DGKB: variants seen among roughly 807,000 people sequenced by gnomAD.
DGKB encodes 90 kDa diacylglycerol kinase.
A neutral mutation model predicts 114.3 loss-of-function variants in DGKB; 67 were observed. The ratio of observed to expected loss-of-function variants is 0.59; its 90% CI spans 0.48 to 0.72. The LOEUF is 0.72. Among genes scored for constraint, DGKB ranks in the 30% least tolerant of loss-of-function variants. The pLI is 0.00. For synonymous variants in DGKB, 398 were observed against 323.1 expected, an observed-to-expected ratio of 1.23 and a Z score of -2.49; for missense variants, 907 against 975.2, an observed-to-expected ratio of 0.93 and a Z score of 0.93.
At chr7:14,973,878 T>C (rs1451902428) in intron 1 of DGKB, among the ~76,000 whole-genome samples, 1 of 148,188 alleles carries the variant, frequency 6.7e-6, no homozygotes, top group Non-Finnish European at 1.5e-5. Context: ...AAATTTAAGA[T>C]ACTTAAATTT....
chr7:14,720,291 T>A (rs1475305299), intron 5 of DGKB, among the ~76,000 whole-genome samples: 1 of 152,012 alleles, frequency 6.6e-6, no homozygotes, highest in Non-Finnish European at 1.5e-5. Context: ...CTTTCCATCC[T>A]TTTTTATTTT....
chr7:14,313,459 G>A (rs796978739), intron 23 of DGKB, among the ~76,000 whole-genome samples: 34 of 152,280 alleles, frequency 2.2e-4, no homozygotes, highest in African/African-American at 5.8e-4. Context: ...TGCCTCACTC[G>A]GGAAGCGCAA....
chr7:14,390,200 T>A (rs534801276), intron 21 of DGKB, among the ~76,000 whole-genome samples: 1 of 152,278 alleles, frequency 6.6e-6, no homozygotes, highest in African/African-American at 2.4e-5. Flanking sequence ...TACTAGTCCT[T>A]CTTGAATGTT....
chr7:14,860,310 ATTCT>A (rs1174660864), intron 1 of DGKB, among the ~76,000 whole-genome samples: 6 of 152,092 alleles, frequency 3.9e-5, no homozygotes, highest in Non-Finnish European at 8.8e-5. Flanking sequence ...AATTTATTTC[ATTCT>A]TTCTAATTCA....
intron 20 of DGKB, among the ~76,000 whole-genome samples, chr7:14,556,194 A>G (rs147121530): frequency 6.6e-6 from 1 of 152,284 alleles, no homozygotes; most frequent in East Asian, 1.9e-4. Context: ...TTCCTCATAT[A>G]TGCTGAGTGG....
At chr7:14,153,966 C>A (rs1259919330) in intron 25 of DGKB, among the ~76,000 whole-genome samples, 1 of 151,850 alleles carries the variant, frequency 6.6e-6, no homozygotes, top group African/African-American at 2.4e-5. Flanking sequence ...AGAGAATTTG[C>A]CTCTTATGTA....
chr7:14,535,659 C>G (rs780006452), intron 20 of DGKB, among the ~76,000 whole-genome samples: 1 of 152,162 alleles, frequency 6.6e-6, no homozygotes, highest in Non-Finnish European at 1.5e-5. Flanking sequence ...GTGATCTCAG[C>G]TTACTGCAAC....
At position 14,787,543 on chromosome 7, in the gene DGKB, A is replaced by C. The variant is rs371115111; in HGVS notation, c.71-29812T>G. On this transcript the variant is annotated intron_variant, in intron 2 of 25. Transcript: ENST00000402815. ...TCACCACTGACAGAGGCCAAGAAGA[A>C]AGGGTGATAGACGTAGAGATGCATA... Among the ~76,000 whole-genome samples the C allele has an allele frequency of 1.1e-4, 16 of 152,332 alleles. 1 individual carries two copies. In the East Asian group the frequency reaches 2.3e-3, roughly 22 times the overall value.
intron 2 of DGKB, among the ~76,000 whole-genome samples, chr7:14,769,619 A>C (rs1468598600): frequency 2.0e-5 from 3 of 152,088 alleles, no homozygotes; most frequent in Non-Finnish European, 4.4e-5. Flanking sequence ...ATAAAAAGTT[A>C]CCACAAACCT....
intron 21 of DGKB, among the ~76,000 whole-genome samples, chr7:14,446,475 T>C (rs1584001208): frequency 6.6e-6 from 1 of 152,082 alleles, no homozygotes; most frequent in Non-Finnish European, 1.5e-5. Flanking sequence ...TTTCATATAT[T>C]ACTTAGGCAC....
chr7:14,493,657 T>C (rs768338931), intron 20 of DGKB, among the ~76,000 whole-genome samples: 2 of 151,986 alleles, frequency 1.3e-5, no homozygotes, highest in African/African-American at 4.8e-5. Context: ...ATTCAAGACC[T>C]GGGTGGGGAG....
rs148958289 is a variant in DGKB at position 14,517,209 on chromosome 7, G to C, written c.1771-38984C>G. ...CTGACAAAAACAAGCGATAGGGAAA[G>C]AATTCCCCATTCAATAAATGGTGCT... On this transcript the variant is annotated intron_variant, in intron 20 of 25. Coordinates refer to ENST00000402815, the MANE Select transcript of DGKB (RefSeq NM_001350709.2). Among the ~76,000 whole-genome samples, 1,267 of 152,200 alleles carry C rather than the reference G, an allele frequency of 8.3e-3. 13 individuals are homozygous for C. Among genetic ancestry groups the C allele is most frequent in the Middle Eastern group, 0.017 (5 of 294 alleles).
chr7:14,753,945 G>T lies in DGKB; in HGVS notation c.151C>A (p.Gln51Lys), dbSNP rs185778872. 65 of 1,518,402 alleles carry T rather than the reference G, an allele frequency of 4.3e-5. No individual in the cohort carries two copies. The highest frequency in any genetic ancestry group is 5.8e-5 in the Non-Finnish European group (64 of 1,109,966). The allele number at this position is 1,518,402 out of a possible 1,614,324, so 94.1% of individuals were successfully genotyped here. The change falls in exon 4 of 26, where the codon CAA becomes AAA. Residue 51 changes from glutamine to lysine, a missense_variant. Physicochemically the swap from Gln to Lys is moderately conservative, Grantham distance 53. Coordinates refer to ENST00000402815, the MANE Select transcript of DGKB (RefSeq NM_001350709.2). ...VLAKYNPEGK[Q>K]DILNQTIDFE... ...TGTCTTACTTGGTTAAGAATGTCTT[G>T]TTTCTGTGCATGCAAGGAAAGAAAG...
At chr7:14,873,108 A>C (rs543568478) in intron 1 of DGKB, among the ~76,000 whole-genome samples, 2 of 152,230 alleles carry the variant, frequency 1.3e-5, no homozygotes, top group Non-Finnish European at 2.9e-5. Flanking sequence ...ATATTTTGTT[A>C]TCAAAAGGCA....
intron 13 of DGKB, among the ~76,000 whole-genome samples, chr7:14,654,612 A>T (rs927137833): frequency 3.9e-5 from 6 of 152,066 alleles, no homozygotes; most frequent in African/African-American, 1.4e-4. Flanking sequence ...GAATAACACT[A>T]TGTGACTTCC....
chr7:14,605,417 C>T (rs1271220750), intron 17 of DGKB, among the ~76,000 whole-genome samples: 2 of 146,880 alleles, frequency 1.4e-5, no homozygotes, highest in East Asian at 2.0e-4. Context: ...TGTATGAATA[C>T]GTTATAGATA....
At chr7:14,449,117 T>C (rs1192788875) in intron 21 of DGKB, among the ~76,000 whole-genome samples, 1 of 152,054 alleles carries the variant, frequency 6.6e-6, no homozygotes. Context: ...ACATAGAAAA[T>C]ATTAGAACTT....
At chr7:14,580,766 A>G in intron 19 of DGKB, 96 bp downstream of exon 19, 1 of 812,872 alleles carries the variant, frequency 1.2e-6, no homozygotes. Context: ...TCTTCACTGA[A>G]ATCATATCGT....
At chr7:14,435,868 A>G (rs945099401) in intron 21 of DGKB, among the ~76,000 whole-genome samples, 4 of 152,168 alleles carry the variant, frequency 2.6e-5, no homozygotes, top group Non-Finnish European at 5.9e-5. Flanking sequence ...GCTTCCAACA[A>G]CTGTCTATAA....
Sources: gnomAD v4.1 joint callset for allele counts (sites outside exome capture counted in the v4.1 genomes callset) on GRCh38, gnomAD v4.1.1 for gene constraint, MANE v1.5 for transcripts, NCBI Gene and HGNC (gene_info 2026-07-23, HGNC 2026-07-21) for gene names.